Variants in CDKL4 observed in about 807,000 individuals in gnomAD.
The protein encoded by CDKL4 is cyclin dependent kinase like 4, also known as cyclin-dependent kinase-like 4.
Under a neutral mutation model 42.0 loss-of-function variants are expected in CDKL4, and 44 were observed. That is an observed-to-expected ratio of 1.05 (90% CI 0.82 to 1.35). The LOEUF (loss-of-function observed/expected upper bound fraction) is 1.35, where lower values mean the gene tolerates loss of function less well. CDKL4 is among the 40% of genes most tolerant of loss of function. CDKL4 has a pLI of 0.00. For missense variants in CDKL4, 393 were observed against 369.9 expected, an observed-to-expected ratio of 1.06 and a Z score of -0.51; for synonymous variants, 120 against 121.6, an observed-to-expected ratio of 0.99 and a Z score of 0.09.
At chr2:39,229,317 A>G in intron 2 of CDKL4, 48 bp downstream of exon 2, 1 of 1,277,042 alleles carries the variant, frequency 7.8e-7, no homozygotes, top group Non-Finnish European at 1.1e-6. Context: ...TAACATGCAT[A>G]TTTCACTCAA....
intron 7 of CDKL4, among the ~76,000 whole-genome samples, chr2:39,185,922 T>C (rs1273217590): frequency 6.6e-6 from 1 of 152,128 alleles, no homozygotes; most frequent in Non-Finnish European, 1.5e-5. Flanking sequence ...CCTACAACAG[T>C]GCTATAAAAT....
intron 1 of CDKL4, among the ~76,000 whole-genome samples, chr2:39,241,376 A>G (rs1005465414): frequency 6.6e-6 from 1 of 152,228 alleles, no homozygotes; most frequent in Non-Finnish European, 1.5e-5. Flanking sequence ...TGAAATTATT[A>G]TATCAAAGTA....
At chr2:39,215,904 G>T (rs932030626) in intron 3 of CDKL4, among the ~76,000 whole-genome samples, 1 of 152,200 alleles carries the variant, frequency 6.6e-6, no homozygotes, top group African/African-American at 2.4e-5. Flanking sequence ...AATCCCTTTC[G>T]ACTTGAAGTG....
At chr2:39,238,058 T>C (rs1679462118) in intron 1 of CDKL4, among the ~76,000 whole-genome samples, 1 of 152,138 alleles carries the variant, frequency 6.6e-6, no homozygotes, top group Non-Finnish European at 1.5e-5. Context: ...AAATTAAAGA[T>C]CTAAATAAAA....
intron 5 of CDKL4, among the ~76,000 whole-genome samples, chr2:39,202,820 C>G (rs987568320): frequency 1.3e-5 from 2 of 152,116 alleles, no homozygotes; most frequent in African/African-American, 4.8e-5. Context: ...AATGGGACCC[C>G]CTCCTTTGCC....
intron 3 of CDKL4, among the ~76,000 whole-genome samples, chr2:39,220,296 G>A (rs2148369104): frequency 6.6e-6 from 1 of 152,220 alleles, no homozygotes; most frequent in South Asian, 2.1e-4. Context: ...ACCTGAGGCA[G>A]GTGCATTTTG....
At chr2:39,240,585 G>A (rs140778472) in intron 1 of CDKL4, among the ~76,000 whole-genome samples, 25 of 150,294 alleles carry the variant, frequency 1.7e-4, no homozygotes, top group African/African-American at 5.4e-4. Context: ...TTCATCAACT[G>A]ATGAATGTGT....
chr2:39,215,573 C>T (rs544478351), intron 3 of CDKL4, among the ~76,000 whole-genome samples: 326 of 152,286 alleles, frequency 2.1e-3, no homozygotes, highest in African/African-American at 7.5e-3. Context: ...ATCCATCACT[C>T]AGATTTAATA....
chr2:39,185,460 G>A lies in CDKL4; in HGVS notation c.736-813C>T, dbSNP rs1433079193. ...TATATACATGTATATATACATATGT[G>A]TATATATATATATATATATTTGAGA... On this transcript the variant is annotated intron_variant, in intron 7 of 9. Coordinates refer to ENST00000451199, the Ensembl canonical transcript of CDKL4. Among the ~76,000 whole-genome samples, 14 of 103,968 alleles carry A rather than the reference G, an allele frequency of 1.3e-4. 2 individuals are homozygous for A. The highest frequency in any genetic ancestry group is 4.9e-4 in the African/African-American group (13 of 26,406). 68.2% of individuals were successfully genotyped at this position (103,968 alleles called of 152,430 possible).
In CDKL4 at chr2:39,182,705, T is replaced by C. The variant is rs192902281; in HGVS notation, c.792+1886A>G. On this transcript the variant is annotated intron_variant, in intron 8 of 9. Coordinates refer to ENST00000451199, the Ensembl canonical transcript of CDKL4. The stretch of plus-strand genomic sequence containing the variant: ...CTCTGATAAAATTTCTAATAGTCTA[T>C]AGTCTTCTTCTTGATGGACCAGCTG... 1.1e-4 allele frequency among the ~76,000 whole-genome samples: 17 copies of C among 152,354 alleles called. No homozygotes were observed. The East Asian group carries it at 3.3e-3, about 29-fold the overall frequency.
intron 5 of CDKL4, among the ~76,000 whole-genome samples, chr2:39,201,674 T>C (rs986510922): frequency 6.6e-6 from 1 of 152,166 alleles, no homozygotes; most frequent in Non-Finnish European, 1.5e-5. Flanking sequence ...TGCAGCAACC[T>C]GGATGGAACT....
At chr2:39,222,048 A>G (rs1678406166) in intron 3 of CDKL4, among the ~76,000 whole-genome samples, 1 of 152,222 alleles carries the variant, frequency 6.6e-6, no homozygotes, top group Admixed American at 6.5e-5. Flanking sequence ...TGCTCCATGA[A>G]ATATTTTTTG....
At chr2:39,226,978 G>T (rs370662754) in intron 2 of CDKL4, among the ~76,000 whole-genome samples, 2 of 152,148 alleles carry the variant, frequency 1.3e-5, no homozygotes, top group African/African-American at 4.8e-5. Context: ...TGTTGGACAG[G>T]CTGGTCTCAC....
chr2:39,237,294 GA>G (rs935554222), intron 1 of CDKL4, among the ~76,000 whole-genome samples: 1 of 152,034 alleles, frequency 6.6e-6, no homozygotes, highest in Non-Finnish European at 1.5e-5. Context: ...TAGAATAAAA[GA>G]AAAACATCAC....
chr2:39,191,725 T>TCACTG (rs1204932567), intron 5 of CDKL4, among the ~76,000 whole-genome samples: 30 of 152,198 alleles, frequency 2.0e-4, no homozygotes, highest in African/African-American at 7.2e-4. Context: ...AGGTGCACCC[T>TCACTG]CACTGCCCAG....
At chr2:39,195,712 G>A (rs977669734) in intron 5 of CDKL4, among the ~76,000 whole-genome samples, 2 of 141,838 alleles carry the variant, frequency 1.4e-5, no homozygotes, top group Non-Finnish European at 3.0e-5. Flanking sequence ...GTGCAGTCTT[G>A]GCTCACTGCA....
chr2:39,239,173 C>T (rs897318060), intron 1 of CDKL4, among the ~76,000 whole-genome samples: 1 of 151,918 alleles, frequency 6.6e-6, no homozygotes, highest in African/African-American at 2.4e-5. Context: ...ACACAGTAGA[C>T]AGACACCTCA....
At chr2:39,176,577 G>A (rs1264950573) in intron 9 of CDKL4, among the ~76,000 whole-genome samples, 1 of 152,162 alleles carries the variant, frequency 6.6e-6, no homozygotes, top group East Asian at 1.9e-4. Flanking sequence ...GAGATTACAG[G>A]TGTGAGCCAC....
intron 3 of CDKL4, among the ~76,000 whole-genome samples, chr2:39,224,576 T>C (rs1173055813): frequency 6.7e-6 from 1 of 149,794 alleles, no homozygotes; most frequent in Non-Finnish European, 1.5e-5. Context: ...TGATCTCGGC[T>C]CACTGCATCC....
Sources: allele counts gnomAD v4.1 joint callset (sites outside exome capture counted in the v4.1 genomes callset), GRCh38; gene constraint gnomAD v4.1.1; transcripts MANE v1.5; gene names NCBI Gene and HGNC (gene_info 2026-07-23, HGNC 2026-07-21).